The following LIN7A variants were observed in gnomAD, a reference collection of about 807,000 sequenced individuals.
LIN7A encodes the protein lin-7 cell polarity scaffold A.
In LIN7A, 25 loss-of-function variants were observed where a neutral mutation model predicts 29.8. The ratio of observed to expected loss-of-function variants is 0.84; its 90% confidence interval spans 0.61 to 1.17. The LOEUF is 1.17. LIN7A is among the 50% of genes most tolerant of loss of function. The pLI, the probability that LIN7A is intolerant of heterozygous loss-of-function variation, is 0.00. For missense variants in LIN7A, 239 were observed against 287.0 expected (o/e 0.83, Z 1.21); for synonymous variants, 118 against 107.5 (o/e 1.10, Z -0.60).
At chr12:80,840,407 G>A (rs971069830) in intron 4 of LIN7A, among the ~76,000 whole-genome samples, 9 of 152,156 alleles carry the variant, frequency 5.9e-5, no homozygotes, top group South Asian at 4.1e-4. Context: ...CTGCGTGCAC[G>A]TGTGCACGTG....
chr12:80,883,192 T>G (rs187600622), intron 2 of LIN7A, among the ~76,000 whole-genome samples: 1 of 152,260 alleles, frequency 6.6e-6, no homozygotes, highest in East Asian at 1.9e-4. Context: ...CTCTTTCTCC[T>G]ATTATCCTTA....
chr12:80,927,928 A>G lies in LIN7A; in HGVS notation c.82+9713T>C, dbSNP rs375172204. On this transcript the variant is annotated intron_variant, in intron 1 of 5. Coordinates refer to ENST00000552864, the MANE Select transcript of LIN7A (RefSeq NM_004664.4). ...TGTGTCCATGTGTTCTCATTGTTCA[A>G]TTCCCATCTATGAGTGAGAATATGC... 1.8e-4 allele frequency among the ~76,000 whole-genome samples: 27 copies of G among 152,058 alleles called. 1 individual carries two copies. The highest frequency in any genetic ancestry group is 9.7e-4 in the East Asian group (5 of 5,168).
chr12:80,851,296 C>T (rs1373638032), intron 2 of LIN7A, among the ~76,000 whole-genome samples: 1 of 151,656 alleles, frequency 6.6e-6, no homozygotes, highest in African/African-American at 2.4e-5. Context: ...TCATTTTAAT[C>T]TTCCTTATGA....
intron 4 of LIN7A, among the ~76,000 whole-genome samples, chr12:80,820,661 A>G (rs1197255131): frequency 3.3e-5 from 5 of 150,522 alleles, no homozygotes; most frequent in Middle Eastern, 3.4e-3. Flanking sequence ...ACACACACCC[A>G]TCTTCAGGAG....
At chr12:80,919,296 AG>A (rs1877181599) in intron 1 of LIN7A, among the ~76,000 whole-genome samples, 1 of 152,254 alleles carries the variant, frequency 6.6e-6, no homozygotes, top group Non-Finnish European at 1.5e-5. Flanking sequence ...GTTGCAAAAC[AG>A]TAGTAGTAAA....
intron 5 of LIN7A, among the ~76,000 whole-genome samples, chr12:80,803,885 C>G (rs755409018): frequency 1.3e-5 from 2 of 152,074 alleles, no homozygotes; most frequent in Non-Finnish European, 2.9e-5. Context: ...AATCCCCAGA[C>G]AGTTCACAAA....
intron 5 of LIN7A, 26 bp downstream of exon 5, chr12:80,811,439 C>A: frequency 1.3e-6 from 1 of 786,336 alleles, no homozygotes; most frequent in Non-Finnish European, 2.1e-6. Context: ...ATATATACTC[C>A]TTGTATAGAA....
Position 80,837,269 on chromosome 12 carries a change from T to C in LIN7A, c.483+8461A>G, listed in dbSNP as rs535431044. ...TCTCAAAGATATTAATATCAGGTCC[T>C]ATTCCCCAGAACCTGTAAATATTAC... is the stretch of plus-strand genomic sequence containing the variant. On this transcript the variant is annotated intron_variant, in intron 4 of 5. Coordinates refer to ENST00000552864, the MANE Select transcript of LIN7A (RefSeq NM_004664.4). Among the ~76,000 whole-genome samples the C allele has an allele frequency of 5.3e-5, 8 of 152,296 alleles. No individual in the cohort carries two copies. The East Asian group carries it at 1.5e-3, about 29-fold the overall frequency.
intron 5 of LIN7A, among the ~76,000 whole-genome samples, chr12:80,806,806 C>T (rs1255633868): frequency 6.6e-6 from 1 of 152,164 alleles, no homozygotes; most frequent in Non-Finnish European, 1.5e-5. Context: ...GTCTCTTTGA[C>T]TGAAGTCACC....
At chr12:80,886,658 A>AATT (rs1875342472) in intron 2 of LIN7A, among the ~76,000 whole-genome samples, 1 of 152,092 alleles carries the variant, frequency 6.6e-6, no homozygotes, top group East Asian at 1.9e-4. Context: ...TACTAGTTCA[A>AATT]ATTTATAAAA....
At chr12:80,911,572 A>G (rs761509435) in intron 1 of LIN7A, among the ~76,000 whole-genome samples, 25 of 152,180 alleles carry the variant, frequency 1.6e-4, no homozygotes, top group Non-Finnish European at 3.1e-4. Context: ...AACAAATATA[A>G]TCTTAGACCA....
intron 5 of LIN7A, 69 bp downstream of exon 5, chr12:80,811,396 C>CAT (rs1053340402): frequency 2.4e-5 from 12 of 501,820 alleles, no homozygotes; most frequent in Non-Finnish European, 3.9e-5. Flanking sequence ...TAAGTATATT[C>CAT]ATATATACAT....
At chr12:80,822,494 G>T (rs1044683908) in intron 4 of LIN7A, among the ~76,000 whole-genome samples, 2 of 152,120 alleles carry the variant, frequency 1.3e-5, no homozygotes, top group African/African-American at 4.8e-5. Flanking sequence ...GGGGGTGGAG[G>T]TTGCAGTGAG....
At chr12:80,831,924 T>G (rs1252270260) in intron 4 of LIN7A, among the ~76,000 whole-genome samples, 2 of 152,230 alleles carry the variant, frequency 1.3e-5, no homozygotes, top group Non-Finnish European at 2.9e-5. Flanking sequence ...ATAAGGGGAA[T>G]TTCAGGATGA....
intron 2 of LIN7A, among the ~76,000 whole-genome samples, chr12:80,877,496 A>T (rs1227562177): frequency 6.6e-6 from 1 of 152,124 alleles, no homozygotes; most frequent in Non-Finnish European, 1.5e-5. Flanking sequence ...AATATATTTT[A>T]GGAAAAAATA....
In LIN7A at chr12:80,848,261, G is replaced by C. The variant is rs1313867808; in HGVS notation, c.263C>G (p.Ala88Gly). The part of the protein sequence containing the change: ...VNGCPEFRAR[A>G]TAKATVAAFA... ...TTACTCAAGCCTTACCTTTGCTGTT[G>C]CCCTCGCACGGAATTCGGGACAGCC... Residue 88 changes from alanine (A) to glycine (G), a missense_variant, in exon 3 of 6, where the codon GCA (alanine) becomes GGA (glycine). Ala to Gly is a moderately conservative substitution (Grantham distance 60). Transcript: ENST00000552864. 6.2e-7 allele frequency: 1 copy of C among 1,612,534 alleles called. No homozygotes were observed. Among genetic ancestry groups the C allele is most frequent in the Non-Finnish European group, 8.5e-7 (1 of 1,178,868 alleles).
Position 80,937,818 on chromosome 12 carries a change from G to T in LIN7A, c.-96C>A, listed in dbSNP as rs544867349. ...GGGGGAGGAGGGGGAAGGAAGGAAG[G>T]TGGTGGTGGTGGAGAAGAAAGCTTG... is the stretch of plus-strand genomic sequence containing the variant. On this transcript the variant is annotated 5_prime_UTR_variant, in exon 1 of 6. Coordinates refer to ENST00000552864, the MANE Select transcript of LIN7A (RefSeq NM_004664.4). The T allele has an allele frequency of 1.9e-4, 147 of 769,766 alleles. No individual in the cohort carries two copies. The highest frequency in any genetic ancestry group is 2.4e-4 in the Non-Finnish European group (132 of 541,302). 47.7% of individuals were successfully genotyped at this position (769,766 alleles called of 1,614,324 possible).
chr12:80,900,616 C>A (rs1876162141), intron 1 of LIN7A, among the ~76,000 whole-genome samples: 1 of 152,014 alleles, frequency 6.6e-6, no homozygotes, highest in Non-Finnish European at 1.5e-5. Context: ...GTTCTGTGGT[C>A]TGAGAATGTG....
At chr12:80,892,698 TA>T (rs1273852109) in intron 1 of LIN7A, among the ~76,000 whole-genome samples, 2 of 152,050 alleles carry the variant, frequency 1.3e-5, no homozygotes, top group Non-Finnish European at 2.9e-5. Context: ...AGAGAGGCTT[TA>T]AAAAAACACA....
Sources: gnomAD v4.1 joint callset for allele counts (sites outside exome capture counted in the v4.1 genomes callset) on GRCh38, gnomAD v4.1.1 for gene constraint, MANE v1.5 for transcripts, NCBI Gene and HGNC (gene_info 2026-07-23, HGNC 2026-07-21) for gene names.